Variants in ADAMTS12 observed in about 807,000 individuals in gnomAD.
ADAMTS12 encodes the protein A disintegrin and metalloproteinase with thrombospondin motifs 12.
Under a neutral mutation model 167.8 loss-of-function variants are expected in ADAMTS12, and 118 were observed. The ratio of observed to expected loss-of-function variants is 0.70; its 90% confidence interval spans 0.61 to 0.82. The LOEUF is 0.82. Among genes scored for constraint, ADAMTS12 ranks in the 40% least tolerant of loss-of-function variants. ADAMTS12 has a pLI of 0.00. For missense variants in ADAMTS12, 1,916 were observed against 1,998.8 expected, an observed-to-expected ratio of 0.96 and a Z score of 0.79; for synonymous variants, 704 against 716.9, an observed-to-expected ratio of 0.98 and a Z score of 0.29.
At chr5:33,583,172 C>T (rs1340230950) in intron 18 of ADAMTS12, among the ~76,000 whole-genome samples, 2 of 152,106 alleles carry the variant, frequency 1.3e-5, no homozygotes, top group African/African-American at 4.8e-5. Flanking sequence ...AGTAACTATC[C>T]TTCTACTCTC....
chr5:33,697,807 A>G (rs1742840195), intron 3 of ADAMTS12, among the ~76,000 whole-genome samples: 1 of 152,226 alleles, frequency 6.6e-6, no homozygotes, highest in Admixed American at 6.5e-5. Flanking sequence ...GACCCCGGCC[A>G]ATGGGGAAAG....
chr5:33,602,333 C>T (rs927683401), intron 16 of ADAMTS12, among the ~76,000 whole-genome samples: 1 of 152,176 alleles, frequency 6.6e-6, no homozygotes, highest in Admixed American at 6.5e-5. Flanking sequence ...GGTTATCAGA[C>T]CTCCACTGTA....
intron 2 of ADAMTS12, among the ~76,000 whole-genome samples, chr5:33,873,257 T>A (rs376836093): frequency 6.6e-6 from 1 of 151,932 alleles, no homozygotes; most frequent in African/African-American, 2.4e-5. Flanking sequence ...GTGAGTTGTT[T>A]TACTATATAC....
intron 11 of ADAMTS12, among the ~76,000 whole-genome samples, chr5:33,639,349 G>GA (rs578244383): frequency 7.8e-4 from 118 of 151,936 alleles, no homozygotes; most frequent in African/African-American, 2.7e-3. Context: ...TGGTTGAGGA[G>GA]AAAAAAATGA....
intron 2 of ADAMTS12, among the ~76,000 whole-genome samples, chr5:33,775,962 C>G (rs376887801): frequency 6.6e-6 from 1 of 152,200 alleles, no homozygotes; most frequent in East Asian, 1.9e-4. Context: ...AAGTCAAAAA[C>G]TGTCACAAGA....
chr5:33,618,654 T>G (rs984990153), intron 14 of ADAMTS12, among the ~76,000 whole-genome samples: 1 of 152,220 alleles, frequency 6.6e-6, no homozygotes, highest in Non-Finnish European at 1.5e-5. Context: ...TGTCTTCTGT[T>G]AATTCCCCTG....
At chr5:33,536,659 T>C (rs1323395551) in intron 22 of ADAMTS12, among the ~76,000 whole-genome samples, 1 of 152,156 alleles carries the variant, frequency 6.6e-6, no homozygotes, top group Non-Finnish European at 1.5e-5. Context: ...TCTCTCATTA[T>C]CCCTCCATTC....
intron 2 of ADAMTS12, among the ~76,000 whole-genome samples, chr5:33,800,528 C>A (rs182324683): frequency 2.0e-5 from 3 of 152,278 alleles, no homozygotes; most frequent in Non-Finnish European, 4.4e-5. Context: ...TTTATTTCTA[C>A]GACAATTCTC....
chr5:33,718,326 G>C lies in ADAMTS12; in HGVS notation c.634+33078C>G, dbSNP rs1474526109. On this transcript the variant is annotated intron_variant, in intron 3 of 23. Transcript: ENST00000504830. Reference sequence around the variant, plus strand: ...GCCCCAACCTCCAGGCCATGGACCAGAATGGTCCATGGTCTGTTAAGAACC... The same window carrying C: ...GCCCCAACCTCCAGGCCATGGACCACAATGGTCCATGGTCTGTTAAGAACC... Among the ~76,000 whole-genome samples the C allele has an allele frequency of 8.5e-5, 13 of 152,198 alleles. No homozygotes were observed. The East Asian group carries it at 1.7e-3, about 20-fold the overall frequency.
chr5:33,566,157 A>G (rs1279847657), intron 19 of ADAMTS12, among the ~76,000 whole-genome samples: 1 of 152,214 alleles, frequency 6.6e-6, no homozygotes, highest in African/African-American at 2.4e-5. Flanking sequence ...AATGACAGTC[A>G]GTTCAAATGG....
At chr5:33,764,764 C>T (rs149428078) in intron 2 of ADAMTS12, among the ~76,000 whole-genome samples, 15 of 152,050 alleles carry the variant, frequency 9.9e-5, no homozygotes, top group African/African-American at 3.6e-4. Flanking sequence ...ATAGTGACAA[C>T]ATTGAAGACA....
chr5:33,855,494 T>C (rs779775229), intron 2 of ADAMTS12, among the ~76,000 whole-genome samples: 9 of 152,244 alleles, frequency 5.9e-5, no homozygotes, highest in Non-Finnish European at 1.0e-4. Context: ...AGATTAAATT[T>C]CTTTTTGGAG....
intron 2 of ADAMTS12, among the ~76,000 whole-genome samples, chr5:33,757,621 C>T (rs720798): frequency 0.02 from 3,027 of 152,088 alleles, 106 homozygotes; most frequent in East Asian, 0.14. Context: ...AGAATCCAAG[C>T]GGTGGGAAAA....
intron 5 of ADAMTS12, among the ~76,000 whole-genome samples, chr5:33,680,814 C>G (rs1742085955): frequency 6.6e-6 from 1 of 152,276 alleles, no homozygotes; most frequent in South Asian, 2.1e-4. Flanking sequence ...TGTGGGAGAA[C>G]TGCTGAATGA....
intron 2 of ADAMTS12, among the ~76,000 whole-genome samples, chr5:33,757,034 G>A (rs1056925750): frequency 1.3e-5 from 2 of 152,096 alleles, no homozygotes; most frequent in African/African-American, 4.8e-5. Flanking sequence ...GGCAGTTAGT[G>A]GCTCCAATAT....
intron 2 of ADAMTS12, among the ~76,000 whole-genome samples, chr5:33,818,096 T>C (rs1000528934): frequency 1.3e-5 from 2 of 152,154 alleles, no homozygotes; most frequent in Non-Finnish European, 2.9e-5. Flanking sequence ...TCATCTCACA[T>C]AGTTACTTTG....
At chr5:33,782,271 G>A (rs568835476) in intron 2 of ADAMTS12, among the ~76,000 whole-genome samples, 13 of 151,580 alleles carry the variant, frequency 8.6e-5, no homozygotes, top group East Asian at 3.9e-4. Flanking sequence ...ATATACTACC[G>A]AACAACCAAA....
At chr5:33,751,686 A>AT in intron 2 of ADAMTS12, 138 bp from the exon 3 acceptor site, 1 of 753,346 alleles carries the variant, frequency 1.3e-6, no homozygotes, top group Non-Finnish European at 2.1e-6. Context: ...GTTCGATCTC[A>AT]TAGAAGAGTT....
chr5:33,801,137 G>C (rs1300655590), intron 2 of ADAMTS12, among the ~76,000 whole-genome samples: 2 of 152,196 alleles, frequency 1.3e-5, no homozygotes, highest in African/African-American at 2.4e-5. Context: ...AGAGTCTCCA[G>C]AGGGAGTGCA....
Sources: allele counts gnomAD v4.1 joint callset (sites outside exome capture counted in the v4.1 genomes callset), GRCh38; gene constraint gnomAD v4.1.1; transcripts MANE v1.5; gene names NCBI Gene and HGNC (gene_info 2026-07-23, HGNC 2026-07-21).